The following FNDC3B variants were observed in gnomAD, a reference collection of about 807,000 sequenced individuals.
FNDC3B encodes the protein fibronectin type III domain containing 3B.
A neutral mutation model predicts 151.5 loss-of-function variants in FNDC3B; 12 were observed. That is an observed-to-expected ratio of 0.08 (90% confidence interval 0.05 to 0.13). The LOEUF (loss-of-function observed/expected upper bound fraction) is 0.13, where lower values mean the gene tolerates loss of function less well. FNDC3B is among the 10% of genes least tolerant of loss of function. The pLI is 1.00. For synonymous variants in FNDC3B, 528 were observed against 549.0 expected (o/e 0.96, Z 0.54); for missense variants, 1,214 against 1,505.3 (o/e 0.81, Z 3.20).
intron 6 of FNDC3B, among the ~76,000 whole-genome samples, chr3:172,278,488 G>A (rs1206269306): frequency 6.6e-6 from 1 of 152,208 alleles, no homozygotes; most frequent in South Asian, 2.1e-4. Flanking sequence ...TTAGGGTTCA[G>A]CTAGCAGTGA....
chr3:172,113,932 G>A (rs566513491), intron 2 of FNDC3B, among the ~76,000 whole-genome samples: 71 of 152,114 alleles, frequency 4.7e-4, no homozygotes, highest in Middle Eastern at 3.4e-3. Flanking sequence ...ATACTCTGCC[G>A]TATCCACTTC....
intron 6 of FNDC3B, among the ~76,000 whole-genome samples, chr3:172,285,107 C>T (rs577698589): frequency 4.6e-5 from 7 of 152,172 alleles, no homozygotes; most frequent in East Asian, 3.9e-4. Flanking sequence ...CCATTTCCCT[C>T]GTGTTATTAA....
intron 3 of FNDC3B, among the ~76,000 whole-genome samples, chr3:172,200,971 A>G (rs1055527400): frequency 6.6e-6 from 1 of 152,148 alleles, no homozygotes; most frequent in African/African-American, 2.4e-5. Flanking sequence ...CTTTGTGGCA[A>G]TTGTTTTCAA....
chr3:172,076,317 C>T (rs1718006929), intron 1 of FNDC3B, among the ~76,000 whole-genome samples: 1 of 152,166 alleles, frequency 6.6e-6, no homozygotes, highest in Non-Finnish European at 1.5e-5. Flanking sequence ...GAGGACACTG[C>T]AGTGAGCAAA....
intron 7 of FNDC3B, among the ~76,000 whole-genome samples, chr3:172,287,270 C>T (rs1730070842): frequency 6.6e-6 from 1 of 152,136 alleles, no homozygotes; most frequent in Non-Finnish European, 1.5e-5. Flanking sequence ...CAGCTTTGTC[C>T]TTTTTGTATC....
At chr3:172,283,905 T>C (rs1239900988) in intron 6 of FNDC3B, among the ~76,000 whole-genome samples, 1 of 152,146 alleles carries the variant, frequency 6.6e-6, no homozygotes, top group East Asian at 1.9e-4. Context: ...GTCTTTTGAA[T>C]GTGGGTTTTC....
chr3:172,204,822 G>T (rs1013175924), intron 3 of FNDC3B, among the ~76,000 whole-genome samples: 2 of 152,170 alleles, frequency 1.3e-5, no homozygotes, highest in East Asian at 3.8e-4. Context: ...CCATTGTTTT[G>T]TGTGTTAAAT....
intron 2 of FNDC3B, among the ~76,000 whole-genome samples, chr3:172,120,641 A>G (rs1434140165): frequency 6.6e-6 from 1 of 152,108 alleles, no homozygotes; most frequent in Non-Finnish European, 1.5e-5. Flanking sequence ...TTCAGTACCA[A>G]TATTAAAAAT....
At chr3:172,093,306 T>G (rs894881410) in intron 1 of FNDC3B, among the ~76,000 whole-genome samples, 4 of 151,190 alleles carry the variant, frequency 2.6e-5, no homozygotes, top group African/African-American at 9.7e-5. Context: ...TCACCCAGGC[T>G]GGAGTGCAGT....
intron 7 of FNDC3B, among the ~76,000 whole-genome samples, chr3:172,294,616 C>T (rs923824429): frequency 3.3e-5 from 5 of 152,156 alleles, no homozygotes; most frequent in African/African-American, 9.7e-5. Context: ...AAATCCAAAC[C>T]GTATCAGGAA....
Position 172,352,695 on chromosome 3 carries a change from A to G in FNDC3B, c.2515-108A>G. On this transcript the variant is annotated intron_variant, in intron 21 of 25. Coordinates refer to ENST00000415807, the MANE Select transcript of FNDC3B (RefSeq NM_022763.4). The surrounding 1 kb of genome is among the most constrained non-coding windows in gnomAD (Gnocchi z 4.2). ...TTCTAGGATTTATTTCTACCTGCATATGTGGAAATGTGTACTACTTTAGAT... is the reference window on the plus strand; with the variant it reads ...TTCTAGGATTTATTTCTACCTGCATGTGTGGAAATGTGTACTACTTTAGAT... 1 of 1,070,264 alleles carries G rather than the reference A, an allele frequency of 9.3e-7. No homozygotes were observed. The highest frequency in any genetic ancestry group is 1.3e-6 in the Non-Finnish European group (1 of 746,340). 66.3% of individuals were successfully genotyped at this position (1,070,264 alleles called of 1,614,324 possible). A position where few individuals can be genotyped will look rare whatever the true frequency, so the allele number is the denominator to read the frequency against.
At chr3:172,177,935 G>A (rs543383660) in intron 3 of FNDC3B, among the ~76,000 whole-genome samples, 1 of 151,970 alleles carries the variant, frequency 6.6e-6, no homozygotes, top group South Asian at 2.1e-4. Flanking sequence ...CCACTTATGA[G>A]TGAGAACATG....
intron 2 of FNDC3B, among the ~76,000 whole-genome samples, chr3:172,116,529 A>G (rs1173558987): frequency 6.6e-6 from 1 of 152,094 alleles, no homozygotes; most frequent in African/African-American, 2.4e-5. Flanking sequence ...AAAATTACAT[A>G]ACATTTGGTC....
intron 3 of FNDC3B, among the ~76,000 whole-genome samples, chr3:172,161,831 T>C (rs1347051271): frequency 6.6e-6 from 1 of 152,168 alleles, no homozygotes; most frequent in East Asian, 1.9e-4. Flanking sequence ...TCCATTCCCA[T>C]TAGCAGTTAC....
intron 1 of FNDC3B, among the ~76,000 whole-genome samples, chr3:172,079,729 C>G (rs1420549302): frequency 2.6e-5 from 4 of 152,114 alleles, no homozygotes; most frequent in Non-Finnish European, 5.9e-5. Flanking sequence ...GGGAGGAAGT[C>G]TGGTTTCTGA....
At chr3:172,201,098 A>G (rs1011739577) in intron 3 of FNDC3B, among the ~76,000 whole-genome samples, 5 of 152,188 alleles carry the variant, frequency 3.3e-5, no homozygotes, top group Non-Finnish European at 5.9e-5. Flanking sequence ...TATGCTTACT[A>G]TCTTATTCCT....
intron 21 of FNDC3B, among the ~76,000 whole-genome samples, chr3:172,348,745 G>A (rs1218164258): frequency 6.6e-5 from 10 of 152,232 alleles, no homozygotes; most frequent in African/African-American, 1.9e-4. Context: ...ATCTTGCCTC[G>A]TTGTATTAAC....
At chr3:172,245,087 T>G (rs1190611657) in intron 4 of FNDC3B, among the ~76,000 whole-genome samples, 2 of 152,172 alleles carry the variant, frequency 1.3e-5, no homozygotes, top group Admixed American at 1.3e-4. Flanking sequence ...GTCAAGCAAT[T>G]TTTATATGTA....
intron 15 of FNDC3B, among the ~76,000 whole-genome samples, chr3:172,336,817 C>A (rs1489066466): frequency 6.6e-6 from 1 of 151,426 alleles, no homozygotes; most frequent in Admixed American, 6.6e-5. Context: ...GAAGGAGACT[C>A]GCTTGAACCC....
Sources: gnomAD v4.1 joint callset for allele counts (sites outside exome capture counted in the v4.1 genomes callset) on GRCh38, gnomAD v4.1.1 for gene constraint, Gnocchi (gnomAD v3.1) non-coding constraint, MANE v1.5 for transcripts, NCBI Gene and HGNC (gene_info 2026-07-23, HGNC 2026-07-21) for gene names.